AFDN: variants seen among roughly 807,000 people sequenced by gnomAD.
AFDN encodes the protein afadin, adherens junction formation factor, also known as afadin.
A neutral mutation model predicts 216.6 loss-of-function variants in AFDN; 68 were observed. The ratio of observed to expected loss-of-function variants is 0.31; its 90% CI spans 0.26 to 0.38. AFDN has a LOEUF of 0.38. Among genes scored for constraint, AFDN ranks in the 10% least tolerant of loss-of-function variants. The pLI is 1.00. For synonymous variants in AFDN, 868 were observed against 853.7 expected, an observed-to-expected ratio of 1.02 and a Z score of -0.29; for missense variants, 2,136 against 2,342.0, an observed-to-expected ratio of 0.91 and a Z score of 1.82.
At chr6:167,896,286 A>C (rs1788238874) in intron 9 of AFDN, among the ~76,000 whole-genome samples, 1 of 151,928 alleles carries the variant, frequency 6.6e-6, no homozygotes, top group African/African-American at 2.4e-5. Flanking sequence ...CCAGGGAGCT[A>C]ACCACTTTTA....
rs549826912 is a variant in AFDN, at chr6:167,971,303, A to G, written c.*1368A>G. ...GAAAATAGACACATTTTCAAAGAGA[A>G]TGTTCTCTTACATATGTTAGGAAAA... On this transcript the variant is annotated 3_prime_UTR_variant, in exon 34 of 34. Transcript: ENST00000683244. 2 of 217,362 alleles carry G rather than the reference A, an allele frequency of 9.2e-6. No individual in the cohort carries two copies. Among genetic ancestry groups the G allele is most frequent in the African/African-American group, 4.5e-5 (2 of 44,590 alleles). 13.5% of individuals were successfully genotyped at this position (217,362 alleles called of 1,614,324 possible).
intron 31 of AFDN, chr6:167,964,415 G>A: frequency 9.4e-7 from 1 of 1,064,986 alleles, no homozygotes; most frequent in Non-Finnish European, 1.1e-6. Context: ...GCCACAAGAA[G>A]TCATTCTGGT....
At chr6:167,914,415 A>G in intron 17 of AFDN, 102 bp downstream of exon 17, 1 of 1,428,298 alleles carries the variant, frequency 7.0e-7, no homozygotes, top group Non-Finnish European at 9.5e-7. Flanking sequence ...ATTTACCTTG[A>G]TTGAAGGTGA....
At chr6:167,968,841 C>T in intron 32 of AFDN, 1 of 388,056 alleles carries the variant, frequency 2.6e-6, no homozygotes, top group Non-Finnish European at 4.8e-6. Context: ...CAGTCAGAGG[C>T]AGAGCTGGGC....
At chr6:167,834,766 G>A (rs1278226021) in intron 1 of AFDN, among the ~76,000 whole-genome samples, 2 of 151,994 alleles carry the variant, frequency 1.3e-5, no homozygotes, top group South Asian at 2.1e-4. Flanking sequence ...TATTGCTTGA[G>A]CCCAAAAGTT....
Position 167,867,869 on chromosome 6 carries a change from A to G in AFDN, c.302-2517A>G, listed in dbSNP as rs1583215692. ...CAATATCATCATTGTTGTCATCATT[A>G]TGGTGTCATTTTTTATGGGGAGGGT... On this transcript the variant is annotated intron_variant, in intron 2 of 33. Transcript: ENST00000683244. Among the ~76,000 whole-genome samples, 9 of 152,278 alleles carry G rather than the reference A, an allele frequency of 5.9e-5. No individual in the cohort carries two copies. The South Asian group carries it at 1.9e-3, about 32-fold the overall frequency.
intron 3 of AFDN, among the ~76,000 whole-genome samples, 166 bp from the exon 4 acceptor site, chr6:167,872,048 C>T (rs1784854333): frequency 6.6e-6 from 1 of 152,104 alleles, no homozygotes; most frequent in African/African-American, 2.4e-5. Flanking sequence ...CATGTAACTG[C>T]CAGCTGAATC....
In AFDN at chr6:167,951,511, T is replaced by G. The variant is rs372124437; in HGVS notation, c.4157T>G (p.Phe1386Cys). ...PPPPVHYAGD[F>C]DGMSMDLPLP... Reference sequence around the variant, plus strand: ...CCTCCAGTCCACTATGCCGGTGATTTCGATGGAATGTCCATGGATTTGCCT... The same window carrying G: ...CCTCCAGTCCACTATGCCGGTGATTGCGATGGAATGTCCATGGATTTGCCT... Residue 1386 changes from phenylalanine (F) to cysteine (C), a missense_variant, in exon 30 of 34, where the codon TTC becomes TGC. Transcript: ENST00000683244. This position sits in a 1 kb window ranked among gnomAD's most constrained non-coding sequence, Gnocchi z 7.1. 6.2e-7 allele frequency: 1 copy of G among 1,613,860 alleles called. No homozygotes were observed. Among genetic ancestry groups the G allele is most frequent in the African/African-American group, 1.3e-5 (1 of 74,920 alleles).
In AFDN at chr6:167,971,317, A is replaced by G. The variant is rs75707336; in HGVS notation, c.*1382A>G. ...TTTCAAAGAGAATGTTCTCTTACAT[A>G]TGTTAGGAAAATAGGCACACTTTCA... On this transcript the variant is annotated 3_prime_UTR_variant, in exon 34 of 34. Coordinates refer to ENST00000683244, the MANE Select transcript of AFDN (RefSeq NM_001386888.1). 1.4e-5 allele frequency: 3 copies of G among 215,858 alleles called. No homozygotes were observed. The highest frequency in any genetic ancestry group is 7.0e-5 in the East Asian group (1 of 14,264). The allele number at this position is 215,858 out of a possible 1,614,324, so 13.4% of individuals were successfully genotyped here.
At chr6:167,905,473 C>T (rs1362383813) in intron 12 of AFDN, among the ~76,000 whole-genome samples, 1 of 152,200 alleles carries the variant, frequency 6.6e-6, no homozygotes, top group East Asian at 1.9e-4. Context: ...AATGAAAATC[C>T]GTCATCCACA....
intron 9 of AFDN, 126 bp from the exon 10 acceptor site, chr6:167,896,752 A>G: frequency 1.8e-6 from 1 of 569,624 alleles, no homozygotes; most frequent in Non-Finnish European, 3.1e-6. Context: ...AGTTTGGAGA[A>G]TTTTTTGAAA....
chr6:167,899,757 C>A (rs1788713178), intron 11 of AFDN, among the ~76,000 whole-genome samples: 1 of 152,198 alleles, frequency 6.6e-6, no homozygotes, highest in Non-Finnish European at 1.5e-5. Context: ...CTGTGTGTTA[C>A]ATGTGGTCTC....
At chr6:167,963,396 G>A (rs898417282) in intron 31 of AFDN, 9 of 1,056,476 alleles carry the variant, frequency 8.5e-6, no homozygotes, top group Non-Finnish European at 1.0e-5. Context: ...AGCTTTCAGT[G>A]TTACAACTTC....
intron 1 of AFDN, among the ~76,000 whole-genome samples, chr6:167,857,536 C>A (rs1327671492): frequency 1.3e-5 from 2 of 151,954 alleles, no homozygotes; most frequent in Middle Eastern, 3.4e-3. Context: ...AGATTTTTTT[C>A]AGGGGGTTCT....
intron 7 of AFDN, 30 bp from the exon 8 acceptor site, chr6:167,890,832 G>A (rs1397211774): frequency 6.2e-7 from 1 of 1,606,810 alleles, no homozygotes; most frequent in South Asian, 1.1e-5. Context: ...ACCTGAGTCT[G>A]CCTGATGATT....
intron 30 of AFDN, among the ~76,000 whole-genome samples, chr6:167,960,840 C>T (rs1011271076): frequency 6.6e-6 from 1 of 152,080 alleles, no homozygotes; most frequent in Non-Finnish European, 1.5e-5. Flanking sequence ...CTATAAGCCC[C>T]CTAAAAGCCA....
intron 1 of AFDN, among the ~76,000 whole-genome samples, chr6:167,844,624 A>T (rs1161656450): frequency 6.6e-6 from 1 of 152,076 alleles, no homozygotes; most frequent in Non-Finnish European, 1.5e-5. Flanking sequence ...GTGCAATTTG[A>T]GTCAAAGGCT....
chr6:167,910,963 C>G, intron 13 of AFDN, 138 bp from the exon 14 acceptor site: 4 of 709,400 alleles, frequency 5.6e-6, no homozygotes, highest in South Asian at 1.9e-5. Context: ...CATCTGAAAA[C>G]AAGGGATATT....
chr6:167,834,250 C>T (rs1163068735), intron 1 of AFDN, among the ~76,000 whole-genome samples: 1 of 152,106 alleles, frequency 6.6e-6, no homozygotes, highest in African/African-American at 2.4e-5. Flanking sequence ...ATCTCTCATC[C>T]TCTTCCCACC....
Sources: gnomAD v4.1 joint callset for allele counts (sites outside exome capture counted in the v4.1 genomes callset) on GRCh38, gnomAD v4.1.1 for gene constraint, Gnocchi (gnomAD v3.1) non-coding constraint, MANE v1.5 for transcripts, NCBI Gene and HGNC (gene_info 2026-07-23, HGNC 2026-07-21) for gene names.